Variants in BRWD1 observed in about 807,000 individuals in gnomAD.
The protein encoded by BRWD1 is bromodomain and WD repeat-containing protein 1.
Under a neutral mutation model 251.2 loss-of-function variants are expected in BRWD1, and 82 were observed. The observed-to-expected ratio is 0.33, with a 90% CI of 0.27 to 0.39. The LOEUF (loss-of-function observed/expected upper bound fraction) is 0.39. Among genes scored for constraint, BRWD1 ranks in the 10% least tolerant of loss-of-function variants. The pLI is 1.00. For missense variants in BRWD1, 2,233 were observed against 2,711.6 expected (o/e 0.82, Z 3.92); for synonymous variants, 918 against 902.8 (o/e 1.02, Z -0.30).
At chr21:39,245,557 G>A (rs2836953) in intron 21 of BRWD1, among the ~76,000 whole-genome samples, 47,718 of 150,654 alleles carry the variant, frequency 0.32, 8,042 homozygotes, top group Middle Eastern at 0.37. Flanking sequence ...ACATTACTCA[G>A]TCAGGAAATT....
chr21:39,236,711 A>G lies in BRWD1; in HGVS notation c.2650T>C (p.Cys884Arg), dbSNP rs2033823735. 3 of 1,614,162 alleles carry G rather than the reference A, an allele frequency of 1.9e-6. No individual in the cohort carries two copies. Among genetic ancestry groups the G allele is most frequent in the Non-Finnish European group, 1.7e-6 (2 of 1,180,002 alleles). ...INLQPPLRTSCRRRITRFCSS... is the reference protein window; with the variant it reads ...INLQPPLRTSRRRRITRFCSS... ...CAAAATCGAGTAATTCGTCGACGAC[A>G]TGATGTTCTTAAAGGAGGCTGCAAA... Residue 884 changes from cysteine (C) to arginine (R), a missense_variant, in exon 23 of 41, where the codon TGT becomes CGT. Coordinates refer to ENST00000342449, the MANE Select transcript of BRWD1 (RefSeq NM_033656.4).
intron 26 of BRWD1, among the ~76,000 whole-genome samples, chr21:39,229,007 G>C (rs1036626884): frequency 6.6e-6 from 1 of 152,112 alleles, no homozygotes; most frequent in African/African-American, 2.4e-5. Flanking sequence ...TATTTATTCT[G>C]AATTTTTTCA....
At chr21:39,266,969 T>C (rs1171646429) in intron 15 of BRWD1, among the ~76,000 whole-genome samples, 1 of 152,224 alleles carries the variant, frequency 6.6e-6, no homozygotes, top group Non-Finnish European at 1.5e-5. Flanking sequence ...TAAATTAATG[T>C]AGTTTTTTGT....
intron 8 of BRWD1, among the ~76,000 whole-genome samples, chr21:39,290,363 C>T (rs2035772481): frequency 6.6e-6 from 1 of 152,156 alleles, no homozygotes; most frequent in Non-Finnish European, 1.5e-5. Context: ...GTGGCACGTG[C>T]CTGTAGCCCC....
intron 4 of BRWD1, among the ~76,000 whole-genome samples, chr21:39,304,141 C>CAAAAAAA (rs56990201): frequency 1.7e-5 from 2 of 118,388 alleles, no homozygotes; most frequent in Non-Finnish European, 3.4e-5. Flanking sequence ...AACTCTTTCT[C>CAAAAAAA]AAAAAAAAAA....
At chr21:39,223,841 G>C (rs1207371004) in intron 29 of BRWD1, among the ~76,000 whole-genome samples, 1 of 152,038 alleles carries the variant, frequency 6.6e-6, no homozygotes, top group African/African-American at 2.4e-5. Flanking sequence ...CTACATGAAG[G>C]ATGTAAATTT....
intron 20 of BRWD1, among the ~76,000 whole-genome samples, chr21:39,249,590 A>G (rs1225221915): frequency 6.6e-6 from 1 of 152,210 alleles, no homozygotes; most frequent in African/African-American, 2.4e-5. Flanking sequence ...GAGAGCACAT[A>G]TTCCTTACAT....
At chr21:39,211,483 T>C (rs1269179596) in intron 34 of BRWD1, among the ~76,000 whole-genome samples, 3 of 152,138 alleles carry the variant, frequency 2.0e-5, no homozygotes, top group South Asian at 4.1e-4. Flanking sequence ...TGCTACATTG[T>C]TGGCTTGAAA....
intron 37 of BRWD1, 111 bp downstream of exon 37, chr21:39,205,997 T>C (rs1255485618): frequency 7.4e-6 from 8 of 1,087,908 alleles, no homozygotes; most frequent in Non-Finnish European, 1.0e-5. Context: ...GGAAAATCAC[T>C]TGAACCCGGG....
chr21:39,227,756 T>A, intron 27 of BRWD1, among the ~76,000 whole-genome samples: 1 of 152,196 alleles, frequency 6.6e-6, no homozygotes, highest in East Asian at 1.9e-4. Context: ...AATAATTGGG[T>A]ATACCAGAAC....
rs11910151 is a variant in BRWD1, at chr21:39,188,336, T to C, written c.*7923A>G. 344,941 of 984,974 alleles carry C rather than the reference T, an allele frequency of 0.35. 61,538 individuals carry two copies. The highest frequency in any genetic ancestry group is 0.38 in the Middle Eastern group (733 of 1,914). 61.0% of individuals were successfully genotyped at this position (984,974 alleles called of 1,614,324 possible). ...GGACCCTGCCTGAAGTTTCCAGACA[T>C]TTAGCATTCAAAAGGTAAGGCTGTA... On this transcript the variant is annotated 3_prime_UTR_variant, in exon 41 of 41. Transcript: ENST00000342449.
In BRWD1 at chr21:39,229,316, T is replaced by C. The variant is rs756039986; in HGVS notation, c.3121A>G (p.Ile1041Val). The change falls in exon 26 of 41, where the codon ATT (isoleucine) becomes GTT (valine). Residue 1041 changes from isoleucine to valine, a missense_variant. Physicochemically the swap from Ile to Val is conservative, Grantham distance 29. This residue lies in a region of BRWD1 where 139 missense variants were observed against 272.8 expected (regional missense o/e 0.51). Transcript: ENST00000342449. Reference protein sequence around the residue: ...TGKLMDKSFSIRYHDMPDVID... With the variant: ...TGKLMDKSFSVRYHDMPDVID... ...ATTTTAAAAAATAATACATACCTAA[T>C]AGAGAAAGATTTGTCCATAAGTTTT... The C allele has an allele frequency of 5.6e-6, 9 of 1,595,514 alleles. No homozygotes were observed. Among genetic ancestry groups the C allele is most frequent in the African/African-American group, 5.4e-5 (4 of 74,418 alleles).
intron 8 of BRWD1, among the ~76,000 whole-genome samples, chr21:39,281,540 A>T (rs112927149): frequency 6.6e-6 from 1 of 152,168 alleles, no homozygotes; most frequent in Admixed American, 6.5e-5. Flanking sequence ...ACAAAAAAAT[A>T]CAAAATTGTC....
intron 4 of BRWD1, among the ~76,000 whole-genome samples, chr21:39,307,087 CA>C (rs1601508442): frequency 1.3e-5 from 2 of 152,350 alleles, no homozygotes; most frequent in Admixed American, 6.5e-5. Flanking sequence ...CTCCTGACCT[CA>C]GGTGATCCAC....
intron 17 of BRWD1, among the ~76,000 whole-genome samples, chr21:39,259,539 C>G (rs1472543920): frequency 6.6e-6 from 1 of 152,134 alleles, no homozygotes; most frequent in Non-Finnish European, 1.5e-5. Context: ...ACCTCATGAT[C>G]CACCCACCTC....
chr21:39,306,903 G>T (rs2036305448), intron 4 of BRWD1, among the ~76,000 whole-genome samples: 1 of 152,166 alleles, frequency 6.6e-6, no homozygotes, highest in Admixed American at 6.5e-5. Context: ...GCCTAGGCCG[G>T]AGTGCAATGG....
At chr21:39,217,392 T>C in intron 31 of BRWD1, 1 of 196,442 alleles carries the variant, frequency 5.1e-6, no homozygotes. Context: ...CCAATGCGCC[T>C]GGCCTCCCAC....
Position 39,187,014 on chromosome 21 carries a change from T to G in BRWD1, c.*9245A>C. On this transcript the variant is annotated 3_prime_UTR_variant, in exon 41 of 41. Coordinates refer to ENST00000342449, the MANE Select transcript of BRWD1 (RefSeq NM_033656.4). The stretch of plus-strand genomic sequence containing the variant: ...ATTGTTTTCAGATGCCACTTCTACA[T>G]TCTCATAGTCACTATTGTGCATTTT... The G allele has an allele frequency of 6.5e-7, 1 of 1,533,114 alleles. No homozygotes were observed. The allele number at this position is 1,533,114 out of a possible 1,614,324, so 95.0% of individuals were successfully genotyped here.
At chr21:39,280,344 G>A in intron 8 of BRWD1, 96 bp from the exon 9 acceptor site, 1 of 926,172 alleles carries the variant, frequency 1.1e-6, no homozygotes, top group Non-Finnish European at 1.6e-6. Flanking sequence ...ACAGTTTCAG[G>A]AAATAAACAC....
Sources: allele counts gnomAD v4.1 joint callset (sites outside exome capture counted in the v4.1 genomes callset), GRCh38; gene constraint gnomAD v4.1.1; regional missense constraint gnomAD v4.1.1; transcripts MANE v1.5; gene names NCBI Gene and HGNC (gene_info 2026-07-23, HGNC 2026-07-21).